The following PTPRD variants were observed in gnomAD, a reference collection of about 807,000 sequenced individuals.
The protein encoded by PTPRD is protein tyrosine phosphatase receptor type D.
A neutral mutation model predicts 214.5 loss-of-function variants in PTPRD; 34 were observed. That is an observed-to-expected ratio of 0.16 (90% confidence interval 0.12 to 0.21). The LOEUF (loss-of-function observed/expected upper bound fraction) is 0.21, where lower values mean the gene tolerates loss of function less well. Ranked by LOEUF, PTPRD falls within the 10% of genes least tolerant of loss-of-function variation. The pLI is 1.00. For missense variants in PTPRD, 2,545 were observed against 2,398.7 expected (o/e 1.06, Z -1.27); for synonymous variants, 1,128 against 845.7 (o/e 1.33, Z -5.79).
intron 2 of PTPRD, among the ~76,000 whole-genome samples, chr9:10,446,424 T>C (rs922866649): frequency 2.8e-5 from 4 of 142,706 alleles, no homozygotes; most frequent in East Asian, 2.1e-4. Flanking sequence ...TTTCTTTTTT[T>C]TTTTTTTTTT....
At chr9:9,760,643 CACACACACACATATAT>C (rs1403730159) in intron 6 of PTPRD, among the ~76,000 whole-genome samples, 216 of 129,642 alleles carry the variant, frequency 1.7e-3, no homozygotes, top group African/African-American at 7.2e-3. Flanking sequence ...CACACACACA[CACACACACACATATAT>C]ATATATATTC....
At chr9:9,966,912 C>G (rs935870089) in intron 4 of PTPRD, among the ~76,000 whole-genome samples, 2 of 152,150 alleles carry the variant, frequency 1.3e-5, no homozygotes, top group Non-Finnish European at 1.5e-5. Context: ...TGAATAAACC[C>G]CTTTAAATAC....
intron 10 of PTPRD, among the ~76,000 whole-genome samples, chr9:9,063,881 G>C (rs1344645465): frequency 6.6e-6 from 1 of 152,142 alleles, no homozygotes; most frequent in Non-Finnish European, 1.5e-5. Flanking sequence ...GCTTACGTAT[G>C]ATAATGGTTT....
At chr9:9,503,890 A>C (rs1323118766) in intron 8 of PTPRD, among the ~76,000 whole-genome samples, 1 of 151,816 alleles carries the variant, frequency 6.6e-6, no homozygotes, top group African/African-American at 2.4e-5. Flanking sequence ...AATACTTCTG[A>C]GAGGACATCT....
chr9:9,626,046 C>T (rs1192048219), intron 7 of PTPRD, among the ~76,000 whole-genome samples: 1 of 152,140 alleles, frequency 6.6e-6, no homozygotes, highest in East Asian at 1.9e-4. Flanking sequence ...GGTTGAGTTA[C>T]AACTGGACTT....
chr9:9,345,339 G>A (rs2048384848), intron 9 of PTPRD, among the ~76,000 whole-genome samples: 1 of 152,014 alleles, frequency 6.6e-6, no homozygotes, highest in Admixed American at 6.6e-5. Flanking sequence ...AGAGGTTACA[G>A]CAGTAGGTTT....
intron 12 of PTPRD, among the ~76,000 whole-genome samples, chr9:8,639,828 G>C (rs1195749505): frequency 6.6e-6 from 1 of 152,188 alleles, no homozygotes; most frequent in Admixed American, 6.5e-5. Flanking sequence ...ATGGAGTGCA[G>C]AGAGACAAAA....
At chr9:8,334,651 C>T (rs1258116411) in intron 43 of PTPRD, among the ~76,000 whole-genome samples, 2 of 111,536 alleles carry the variant, frequency 1.8e-5, no homozygotes, top group Non-Finnish European at 3.8e-5. Context: ...CAAACAAATT[C>T]AAAAGCTAAC....
chr9:8,449,981 C>T lies in PTPRD; in HGVS notation c.3876-144G>A, dbSNP rs914602123. On this transcript the variant is annotated intron_variant, in intron 33 of 45. Transcript: ENST00000381196. Reference sequence around the variant, plus strand: ...AACCCAGCTGACTTGTGACCCAGTTCGGGTTGCTTTTCCCCCCTGGCCTAA... The same window carrying T: ...AACCCAGCTGACTTGTGACCCAGTTTGGGTTGCTTTTCCCCCCTGGCCTAA... 4.5e-5 allele frequency: 34 copies of T among 758,710 alleles called. No individual in the cohort carries two copies. The Middle Eastern group carries it at 2.8e-3, about 62-fold the overall frequency. 47.0% of individuals were successfully genotyped at this position (758,710 alleles called of 1,614,324 possible).
chr9:8,780,608 C>G (rs1247117123), intron 11 of PTPRD, among the ~76,000 whole-genome samples: 1 of 152,150 alleles, frequency 6.6e-6, no homozygotes, highest in Non-Finnish European at 1.5e-5. Context: ...GTACCCGAAG[C>G]AACCCCAGAG....
At chr9:9,861,494 G>A (rs1032778609) in intron 5 of PTPRD, among the ~76,000 whole-genome samples, 3 of 152,106 alleles carry the variant, frequency 2.0e-5, no homozygotes, top group African/African-American at 7.2e-5. Context: ...GTTTCACCAT[G>A]ATGGCCAGGA....
At chr9:8,656,758 G>T (rs1032837091) in intron 12 of PTPRD, among the ~76,000 whole-genome samples, 2 of 152,222 alleles carry the variant, frequency 1.3e-5, no homozygotes, top group African/African-American at 4.8e-5. Flanking sequence ...CTGGCCTTCC[G>T]GTATAGGAAA....
intron 2 of PTPRD, among the ~76,000 whole-genome samples, chr9:10,417,464 G>A (rs1253493996): frequency 6.6e-6 from 1 of 151,712 alleles, no homozygotes; most frequent in African/African-American, 2.4e-5. Context: ...CATTTAAATT[G>A]TAAGTATAAC....
rs567292252 is a variant in PTPRD at position 9,968,909 on chromosome 9, T to C, written c.-471-30299A>G. Among the ~76,000 whole-genome samples, 4 of 152,282 alleles carry C rather than the reference T, an allele frequency of 2.6e-5. No homozygotes were observed. In the East Asian group the frequency reaches 5.8e-4, roughly 22 times the overall value. ...TGAATAAGTTATTAAGAATTCTTCA[T>C]TGAGCAACTACTACTGACCAGTAAC... On this transcript the variant is annotated intron_variant, in intron 4 of 45. Transcript: ENST00000381196.
chr9:8,832,674 C>T (rs1398197074), intron 11 of PTPRD, among the ~76,000 whole-genome samples: 2 of 151,970 alleles, frequency 1.3e-5, no homozygotes, highest in Non-Finnish European at 2.9e-5. Context: ...TGCAGGATCA[C>T]AAGACTTCAC....
chr9:10,026,060 T>A (rs532010278), intron 4 of PTPRD, among the ~76,000 whole-genome samples: 10 of 152,206 alleles, frequency 6.6e-5, no homozygotes, highest in Non-Finnish European at 1.0e-4. Flanking sequence ...TGCTCTAATA[T>A]GTCTCTTGCA....
At chr9:9,715,322 T>A (rs534693757) in intron 7 of PTPRD, among the ~76,000 whole-genome samples, 60 of 152,154 alleles carry the variant, frequency 3.9e-4, no homozygotes, top group Non-Finnish European at 7.4e-4. Flanking sequence ...GGCATACAGT[T>A]AATGCTCTGT....
chr9:10,427,489 A>T (rs2098632828), intron 2 of PTPRD, among the ~76,000 whole-genome samples: 1 of 152,096 alleles, frequency 6.6e-6, no homozygotes, highest in Non-Finnish European at 1.5e-5. Context: ...ACTACTTAGT[A>T]AGCATTACTC....
chr9:9,607,162 T>A (rs896244349), intron 7 of PTPRD, among the ~76,000 whole-genome samples: 1 of 151,906 alleles, frequency 6.6e-6, no homozygotes, highest in East Asian at 1.9e-4. Flanking sequence ...CAAAGCCCTC[T>A]GAGGGTGAGG....
Sources: gnomAD v4.1 joint callset for allele counts (sites outside exome capture counted in the v4.1 genomes callset) on GRCh38, gnomAD v4.1.1 for gene constraint, MANE v1.5 for transcripts, NCBI Gene and HGNC (gene_info 2026-07-23, HGNC 2026-07-21) for gene names.